The following SLC7A1 variants were observed in gnomAD, a reference collection of about 807,000 sequenced individuals.
SLC7A1 encodes solute carrier family 7 member 1.
Under a neutral mutation model 53.9 loss-of-function variants are expected in SLC7A1, and 10 were observed. The observed-to-expected ratio is 0.19, with a 90% CI of 0.11 to 0.31. The LOEUF is 0.31. SLC7A1 is among the 10% of genes least tolerant of loss of function. The probability of loss-of-function intolerance (pLI) is 1.00; values close to 1 mark genes in which losing one functional copy is unlikely to be tolerated. For synonymous variants in SLC7A1, 342 were observed against 338.7 expected (o/e 1.01, Z -0.11); for missense variants, 525 against 827.2 (o/e 0.63, Z 4.48).
chr13:29,592,286 A>G (rs1593588889), intron 1 of SLC7A1, among the ~76,000 whole-genome samples: 1 of 152,308 alleles, frequency 6.6e-6, no homozygotes, highest in South Asian at 2.1e-4. Flanking sequence ...AGAGGAAAAA[A>G]GCCCAATGAA....
intron 1 of SLC7A1, among the ~76,000 whole-genome samples, chr13:29,570,177 T>G (rs1471421254): frequency 1.3e-5 from 2 of 152,228 alleles, no homozygotes; most frequent in African/African-American, 2.4e-5. Flanking sequence ...TGCTCTGCTA[T>G]GTGCAGTGGT....
chr13:29,571,451 G>A lies in SLC7A1; in HGVS notation c.-114-17591C>T, dbSNP rs556866265. On this transcript the variant is annotated intron_variant, in intron 1 of 12. Coordinates refer to ENST00000380752, the MANE Select transcript of SLC7A1 (RefSeq NM_003045.5). ...AGCATCAACCACCAAAGCCCTTGGC[G>A]GTGCCTGAATGCAGGGTGGTGAAGA... Among the ~76,000 whole-genome samples, 23 of 152,322 alleles carry A rather than the reference G, an allele frequency of 1.5e-4. No individual in the cohort carries two copies. The East Asian group carries it at 4.4e-3, about 29-fold the overall frequency.
intron 4 of SLC7A1, among the ~76,000 whole-genome samples, chr13:29,531,914 T>C (rs1364891342): frequency 1.3e-5 from 2 of 152,176 alleles, no homozygotes; most frequent in East Asian, 1.9e-4. Context: ...TAGAAGAGAA[T>C]TGTGTAATTA....
chr13:29,523,824 G>T (rs1370198907), intron 6 of SLC7A1, among the ~76,000 whole-genome samples: 3 of 152,222 alleles, frequency 2.0e-5, no homozygotes, highest in Non-Finnish European at 1.5e-5. Flanking sequence ...TGACAATGTT[G>T]TGAATAGCCT....
intron 1 of SLC7A1, among the ~76,000 whole-genome samples, chr13:29,560,221 A>G (rs1870693124): frequency 6.6e-6 from 1 of 152,052 alleles, no homozygotes; most frequent in Non-Finnish European, 1.5e-5. Context: ...AGCCAGGATG[A>G]TCAATGTCAC....
chr13:29,526,196 G>A (rs1208193818), intron 5 of SLC7A1, among the ~76,000 whole-genome samples: 2 of 152,198 alleles, frequency 1.3e-5, no homozygotes, highest in Non-Finnish European at 2.9e-5. Flanking sequence ...ACATGGCCTT[G>A]CGTTAAAATA....
intron 1 of SLC7A1, among the ~76,000 whole-genome samples, chr13:29,579,025 G>A (rs1871532028): frequency 6.6e-6 from 1 of 152,200 alleles, no homozygotes; most frequent in South Asian, 2.1e-4. Flanking sequence ...TTTTCTACAA[G>A]AAACCTTTCA....
rs1372136070 is a variant in SLC7A1 at position 29,511,216 on chromosome 13, C to T, written c.*3264G>A. ...GGTAGGTGGAGAAGCCCGCTGCCCC[C>T]ACCATCCTGCGGTCACCCCTGGACT... is the stretch of plus-strand genomic sequence containing the variant. On this transcript the variant is annotated 3_prime_UTR_variant, in exon 13 of 13. Transcript: ENST00000380752. The T allele has an allele frequency of 6.6e-6, 1 of 152,670 alleles. No homozygotes were observed. The highest frequency in any genetic ancestry group is 1.5e-5 in the Non-Finnish European group (1 of 68,424). 9.5% of individuals were successfully genotyped at this position (152,670 alleles called of 1,614,324 possible). A position where few individuals can be genotyped will look rare whatever the true frequency, so the allele number is the denominator to read the frequency against.
chr13:29,568,446 C>T lies in SLC7A1; in HGVS notation c.-114-14586G>A, dbSNP rs534858253. 2.1e-4 allele frequency among the ~76,000 whole-genome samples: 32 copies of T among 152,366 alleles called. No individual in the cohort carries two copies. The South Asian group carries it at 3.7e-3, about 18-fold the overall frequency. The stretch of plus-strand genomic sequence containing the variant: ...CGAGAGCCAACTGTTTCCTGGAGGG[C>T]CCCGCGTAGCTACAACTATGGGTAG... On this transcript the variant is annotated intron_variant, in intron 1 of 12. Transcript: ENST00000380752.
intron 4 of SLC7A1, among the ~76,000 whole-genome samples, chr13:29,532,362 G>A (rs991262099): frequency 1.3e-5 from 2 of 152,176 alleles, no homozygotes; most frequent in African/African-American, 4.8e-5. Context: ...TGGTTGTTAG[G>A]TGTAAAAACC....
rs761070275 is a variant in SLC7A1 at position 29,532,851 on chromosome 13, C to T, written c.502G>A (p.Ala168Thr). 6.2e-7 allele frequency: 1 copy of T among 1,613,616 alleles called. No individual in the cohort carries two copies. The highest frequency in any genetic ancestry group is 8.5e-7 in the Non-Finnish European group (1 of 1,179,782). ...GTCAAGATGAGAATTATGATCACTG[C>T]GAATATGTCGGGGTTTTCAGCCAGC... Reference protein sequence around the residue: ...GVLAENPDIFAVIIILILTGL... With the variant: ...GVLAENPDIFTVIIILILTGL... Residue 168 changes from alanine (A) to threonine (T), a missense_variant, in exon 4 of 13, where the codon GCA becomes ACA. Coordinates refer to ENST00000380752, the MANE Select transcript of SLC7A1 (RefSeq NM_003045.5).
chr13:29,537,732 G>T (rs1869487971), intron 2 of SLC7A1, among the ~76,000 whole-genome samples: 1 of 152,172 alleles, frequency 6.6e-6, no homozygotes, highest in African/African-American at 2.4e-5. Flanking sequence ...CAAAACAACA[G>T]CATGTGCACA....
intron 1 of SLC7A1, among the ~76,000 whole-genome samples, chr13:29,572,819 C>T (rs1305355986): frequency 2.0e-5 from 3 of 152,166 alleles, no homozygotes; most frequent in South Asian, 2.1e-4. Context: ...TGCACACCAA[C>T]CACACCAACC....
intron 3 of SLC7A1, among the ~76,000 whole-genome samples, chr13:29,533,748 G>A (rs904098524): frequency 6.6e-6 from 1 of 152,230 alleles, no homozygotes; most frequent in Non-Finnish European, 1.5e-5. Flanking sequence ...GTTGGCTGCT[G>A]TCTTTCACTC....
At position 29,519,634 on chromosome 13, in the gene SLC7A1, G is replaced by A. The variant is rs372230141; in HGVS notation, c.1190-85C>T. 3.1e-5 allele frequency: 24 copies of A among 784,448 alleles called. No homozygotes were observed. The Middle Eastern group carries it at 7.6e-4, about 25-fold the overall frequency. The allele number at this position is 784,448 out of a possible 1,614,324, so 48.6% of individuals were successfully genotyped here. ...ACCACCACTGCCGCCCACCATCCAG[G>A]GCAGCGAAGGGGGCTGCTTTTACTC... On this transcript the variant is annotated intron_variant, in intron 8 of 12. Coordinates refer to ENST00000380752, the MANE Select transcript of SLC7A1 (RefSeq NM_003045.5).
At chr13:29,593,594 A>G (rs1194118787) in intron 1 of SLC7A1, among the ~76,000 whole-genome samples, 2 of 152,248 alleles carry the variant, frequency 1.3e-5, no homozygotes, top group Admixed American at 1.3e-4. Flanking sequence ...AATTGGACAT[A>G]ATTCTGAGCC....
intron 2 of SLC7A1, among the ~76,000 whole-genome samples, chr13:29,543,250 T>A (rs938448707): frequency 6.6e-6 from 1 of 152,146 alleles, no homozygotes; most frequent in Non-Finnish European, 1.5e-5. Context: ...TGGCCTTCCA[T>A]CAAGAAGTAC....
At chr13:29,584,183 G>A (rs1473841374) in intron 1 of SLC7A1, among the ~76,000 whole-genome samples, 2 of 150,626 alleles carry the variant, frequency 1.3e-5, no homozygotes, top group Non-Finnish European at 2.9e-5. Flanking sequence ...GCACGATCTC[G>A]TCTCACTGCA....
chr13:29,594,611 C>T (rs963396851), intron 1 of SLC7A1, among the ~76,000 whole-genome samples: 5 of 152,218 alleles, frequency 3.3e-5, no homozygotes, highest in African/African-American at 7.2e-5. Flanking sequence ...GAAAGGAACA[C>T]CCTGAGAATA....
Sources: allele counts gnomAD v4.1 joint callset (sites outside exome capture counted in the v4.1 genomes callset), GRCh38; gene constraint gnomAD v4.1.1; transcripts MANE v1.5; gene names NCBI Gene and HGNC (gene_info 2026-07-23, HGNC 2026-07-21).